HCST: variants seen among roughly 807,000 people sequenced by gnomAD.
The protein encoded by HCST is DNAX-activation protein 10.
In HCST, 12 loss-of-function variants were observed where a neutral mutation model predicts 10.8. That is an observed-to-expected ratio of 1.12 (90% CI 0.72 to 1.81). HCST has a LOEUF of 1.81. Ranked by LOEUF, HCST falls within the 40% of genes most tolerant of loss-of-function variation. HCST has a pLI of 0.00. For synonymous variants in HCST, 59 were observed against 51.6 expected, an observed-to-expected ratio of 1.14 and a Z score of -0.61; for missense variants, 102 against 117.9, an observed-to-expected ratio of 0.87 and a Z score of 0.62.
chr19:35,903,740 G>GT (rs772778980), intron 2 of HCST, 32 bp from the exon 3 acceptor site: 2 of 1,613,862 alleles, frequency 1.2e-6, no homozygotes, highest in Non-Finnish European at 1.7e-6. Context: ...CAGAGCTTGA[G>GT]TTGTCTCCCT....
intron 3 of HCST, 86 bp downstream of exon 3, chr19:35,903,989 G>A: frequency 6.3e-7 from 1 of 1,580,038 alleles, no homozygotes; most frequent in Non-Finnish European, 8.6e-7. Context: ...GGGAAGCCCT[G>A]GAGGAGGTGC....
In HCST at chr19:35,903,812, G is replaced by A. The variant is rs1369305815; in HGVS notation, c.150G>A (p.Leu50=). The A allele has an allele frequency of 5.6e-6, 9 of 1,613,954 alleles. No individual in the cohort carries two copies. Among genetic ancestry groups the A allele is most frequent in the Non-Finnish European group, 5.9e-6 (7 of 1,180,030 alleles). Residue 50 remains leucine (L), a synonymous_variant, in exon 3 of 4, where the codon CTG becomes CTA. Transcript: ENST00000246551. ...SGCGSLSLPL[L]AGLVAADAVA... is the part of the protein sequence containing the mutation. Reference sequence around the variant, plus strand: ...GTGGGTCCCTCTCTCTGCCGCTCCTGGCAGGCCTCGTGGCTGCTGATGCGG... The same window carrying A: ...GTGGGTCCCTCTCTCTGCCGCTCCTAGCAGGCCTCGTGGCTGCTGATGCGG...
chr19:35,903,960 C>T (rs1382913512), intron 3 of HCST, 57 bp downstream of exon 3: 4 of 1,579,422 alleles, frequency 2.5e-6, no homozygotes, highest in African/African-American at 2.7e-5. Flanking sequence ...GGGAGGGGGT[C>T]CCAGGGAGGG....
chr19:35,903,902 A>G lies in HCST; in HGVS notation c.240A>G (p.Gln80=). The G allele has an allele frequency of 1.9e-6, 3 of 1,610,640 alleles. No homozygotes were observed. Among genetic ancestry groups the G allele is most frequent in the Non-Finnish European group, 2.5e-6 (3 of 1,179,000 alleles). Residue 80 remains glutamine, a splice_region_variant and synonymous_variant, in exon 3 of 4, where the codon CAA becomes CAG. Transcript: ENST00000246551. ...CACGCCCACGCCGCAGCCCCGCCCA[A>G]GGTGAGGGCGGAGATGGGCGGGGCC... ...LCARPRRSPA[Q]EDGKVYINMP...
chr19:35,902,745 C>T (rs748420357), intron 1 of HCST, 109 bp downstream of exon 1: 4 of 1,129,876 alleles, frequency 3.5e-6, no homozygotes, highest in Non-Finnish European at 3.9e-6. Flanking sequence ...CCCTGCACCC[C>T]TTCCCTTCTG....
At chr19:35,903,612 C>T in intron 2 of HCST, 160 bp from the exon 3 acceptor site, 1 of 1,149,440 alleles carries the variant, frequency 8.7e-7, no homozygotes, top group Non-Finnish European at 1.3e-6. Flanking sequence ...TGGGACACCC[C>T]AGCCTCTCTG....
rs374297506 is a variant in HCST at position 35,903,768 on chromosome 19, C to A, written c.110-4C>A. 8 of 1,613,998 alleles carry A rather than the reference C, an allele frequency of 5.0e-6. No homozygotes were observed. The highest frequency in any genetic ancestry group is 6.8e-6 in the Non-Finnish European group (8 of 1,180,030). On this transcript the variant is annotated splice_polypyrimidine_tract_variant and splice_region_variant and intron_variant, in intron 2 of 3. Transcript: ENST00000246551. ...GTCTCCCTGTTCCGGCCCCCACTCTCCAGGCTCTTGTTCCGGATGTGGGTC... is the reference window on the plus strand; with the variant it reads ...GTCTCCCTGTTCCGGCCCCCACTCTACAGGCTCTTGTTCCGGATGTGGGTC...
chr19:35,903,387 C>T lies in HCST; in HGVS notation c.80C>T (p.Ser27Leu), dbSNP rs2146981827. Residue 27 changes from serine (S) to leucine (L), a missense_variant, in exon 2 of 4, where the codon TCA becomes TTA. Ser to Leu is a moderately radical substitution (Grantham distance 145). Coordinates refer to ENST00000246551, the MANE Select transcript of HCST (RefSeq NM_014266.4). ...CAGACGACTCCAGGAGAGAGATCAT[C>T]ACTCCCTGCCTTTTACCCTGGCACT... is the stretch of plus-strand genomic sequence containing the variant. ...AAQTTPGERS[S>L]LPAFYPGTSG... The T allele has an allele frequency of 6.2e-7, 1 of 1,613,952 alleles. No individual in the cohort carries two copies. Among genetic ancestry groups the T allele is most frequent in the East Asian group, 2.2e-5 (1 of 44,880 alleles).
At position 35,903,363 on chromosome 19, in the gene HCST, A is replaced by G; in HGVS notation, c.56A>G (p.Gln19Arg). ...TCTCTTTCCACAGTGGCTGCAGCTC[A>G]GACGACTCCAGGAGAGAGATCATCA... ...FLLLLPVAAA[Q>R]TTPGERSSLP... The change falls in exon 2 of 4, where the codon CAG (glutamine) becomes CGG (arginine). Residue 19 changes from glutamine (Q) to arginine (R), a missense_variant. Physicochemically the swap from Gln to Arg is conservative, Grantham distance 43. Transcript: ENST00000246551. 1 of 1,613,758 alleles carries G rather than the reference A, an allele frequency of 6.2e-7. No individual in the cohort carries two copies. The highest frequency in any genetic ancestry group is 1.7e-5 in the Admixed American group (1 of 60,012).
chr19:35,902,663 T>C lies in HCST; in HGVS notation c.43+27T>C, dbSNP rs373014300. 58 of 1,612,972 alleles carry C rather than the reference T, an allele frequency of 3.6e-5. No homozygotes were observed. In the African/African-American group the frequency reaches 6.9e-4, roughly 19 times the overall value. ...TGAAGCCAGTGGTTACAGGGGATGG[T>C]AGGCAGAGCGTTTGTGAGATGGGTG... On this transcript the variant is annotated intron_variant, in intron 1 of 3. Coordinates refer to ENST00000246551, the MANE Select transcript of HCST (RefSeq NM_014266.4).
chr19:35,903,839 G>A lies in HCST; in HGVS notation c.177G>A (p.Val59=). 6.2e-7 allele frequency: 1 copy of A among 1,613,760 alleles called. No individual in the cohort carries two copies. The highest frequency in any genetic ancestry group is 1.1e-5 in the South Asian group (1 of 91,080). ...LLAGLVAADA[V]ASLLIVGAVF... ...CAGGCCTCGTGGCTGCTGATGCGGT[G>A]GCATCGCTGCTCATCGTGGGGGCGG... The change falls in exon 3 of 4, where the codon GTG becomes GTA. Residue 59 remains valine (V), a synonymous_variant. Coordinates refer to ENST00000246551, the MANE Select transcript of HCST (RefSeq NM_014266.4).
intron 2 of HCST, 22 bp downstream of exon 2, chr19:35,903,438 CT>C: frequency 6.2e-7 from 1 of 1,607,468 alleles, no homozygotes; most frequent in African/African-American, 1.3e-5. Context: ...ACCCCAGAAG[CT>C]TGGCCAGAGG....
rs1047104452 is a variant in HCST, at chr19:35,904,188, C to T, written c.*28C>T. On this transcript the variant is annotated 3_prime_UTR_variant, in exon 4 of 4. Transcript: ENST00000246551. Reference sequence around the variant, plus strand: ...CTCCTGCAGCTTGGACCTTTGACTTCTGACCCTCTCATCCTGGATGGTGTG... The same window carrying T: ...CTCCTGCAGCTTGGACCTTTGACTTTTGACCCTCTCATCCTGGATGGTGTG... 6.2e-6 allele frequency: 10 copies of T among 1,611,910 alleles called. No homozygotes were observed. Among genetic ancestry groups the T allele is most frequent in the Non-Finnish European group, 8.5e-6 (10 of 1,178,104 alleles).
chr19:35,902,789 G>C (rs1310223045), intron 1 of HCST, 153 bp downstream of exon 1: 2 of 720,292 alleles, frequency 2.8e-6, no homozygotes, highest in Non-Finnish European at 4.6e-6. Flanking sequence ...CTGGGTCCTT[G>C]GGGGCGGAAG....
At chr19:35,903,464 C>T (rs1568501915) in intron 2 of HCST, 48 bp downstream of exon 2, 1 of 1,491,420 alleles carries the variant, frequency 6.7e-7, no homozygotes, top group Middle Eastern at 1.7e-4. Flanking sequence ...CAGAACACCC[C>T]AGTGGTTCTC....
intron 3 of HCST, 50 bp downstream of exon 3, chr19:35,903,953 A>AG (rs770378097): frequency 4.4e-6 from 7 of 1,580,044 alleles, no homozygotes; most frequent in Non-Finnish European, 4.3e-6. Context: ...GTCCCTAGGG[A>AG]GGGGGTCCCA....
In HCST at chr19:35,904,078, T is replaced by C. The variant is rs758658889; in HGVS notation, c.242-42T>C. The C allele has an allele frequency of 5.6e-6, 9 of 1,612,248 alleles. No homozygotes were observed. In the African/African-American group the frequency reaches 1.1e-4, roughly 19 times the overall value. On this transcript the variant is annotated intron_variant, in intron 3 of 3. Transcript: ENST00000246551. ...CAGGGGGTCCCCAGGGAAGTGGAGATATGGGTGGTCAAGCTTCATGCTTTC... is the reference window on the plus strand; with the variant it reads ...CAGGGGGTCCCCAGGGAAGTGGAGACATGGGTGGTCAAGCTTCATGCTTTC...
In HCST at chr19:35,903,851, C is replaced by T. The variant is rs1186313013; in HGVS notation, c.189C>T (p.Leu63=). The T allele has an allele frequency of 1.9e-6, 3 of 1,613,536 alleles. No homozygotes were observed. Among genetic ancestry groups the T allele is most frequent in the Non-Finnish European group, 2.5e-6 (3 of 1,179,956 alleles). The change falls in exon 3 of 4, where the codon CTC becomes CTT. Residue 63 remains leucine (L), a synonymous_variant. Coordinates refer to ENST00000246551, the MANE Select transcript of HCST (RefSeq NM_014266.4). ...CTGCTGATGCGGTGGCATCGCTGCT[C>T]ATCGTGGGGGCGGTGTTCCTGTGCG... ...LVAADAVASL[L]IVGAVFLCAR... is the part of the protein sequence containing the mutation.
intron 1 of HCST, chr19:35,902,843 C>T (rs759186277): frequency 1.8e-6 from 1 of 569,880 alleles, no homozygotes; most frequent in Non-Finnish European, 3.1e-6. Context: ...GTTAGCGTCC[C>T]CTTCTCATGG....
Sources: allele counts gnomAD v4.1 joint callset, GRCh38; gene constraint gnomAD v4.1.1; transcripts MANE v1.5; gene names NCBI Gene and HGNC (gene_info 2026-07-23, HGNC 2026-07-21).